Variants in KCNS3 observed in about 807,000 individuals in gnomAD.
KCNS3 encodes the protein delayed-rectifier potassium channel regulatory subunit KCNS3.
A neutral mutation model predicts 31.0 loss-of-function variants in KCNS3; 13 were observed. The ratio of observed to expected loss-of-function variants is 0.42; its 90% CI spans 0.27 to 0.67. KCNS3 has a LOEUF of 0.67. KCNS3 is among the 30% of genes least tolerant of loss of function. The pLI is 0.25. For synonymous variants in KCNS3, 238 were observed against 241.5 expected, an observed-to-expected ratio of 0.99 and a Z score of 0.13; for missense variants, 545 against 622.4, an observed-to-expected ratio of 0.88 and a Z score of 1.32.
At chr2:17,930,490 A>G (rs1288271642) in intron 2 of KCNS3, among the ~76,000 whole-genome samples, 1 of 152,178 alleles carries the variant, frequency 6.6e-6, no homozygotes, top group East Asian at 1.9e-4. Context: ...GGCATGACCA[A>G]GCCCTAGGGA....
chr2:17,911,339 G>A (rs1234347937), intron 1 of KCNS3, among the ~76,000 whole-genome samples: 1 of 152,216 alleles, frequency 6.6e-6, no homozygotes, highest in African/African-American at 2.4e-5. Flanking sequence ...TGAATGAATA[G>A]CATTAGCTCA....
chr2:17,889,606 A>G (rs1661790559), intron 1 of KCNS3, among the ~76,000 whole-genome samples: 1 of 152,154 alleles, frequency 6.6e-6, no homozygotes, highest in African/African-American at 2.4e-5. Context: ...TGTCCCTTGT[A>G]TGCCGATTTT....
intron 1 of KCNS3, among the ~76,000 whole-genome samples, chr2:17,895,814 C>T (rs761174840): frequency 6.6e-6 from 1 of 152,054 alleles, no homozygotes; most frequent in Non-Finnish European, 1.5e-5. Flanking sequence ...GGGAAAAGGA[C>T]ACTTCAATCA....
At position 17,931,403 on chromosome 2, in the gene KCNS3, A is replaced by T; in HGVS notation, c.395A>T (p.Asp132Val). 1 of 1,614,176 alleles carries T rather than the reference A, an allele frequency of 6.2e-7. No individual in the cohort carries two copies. The highest frequency in any genetic ancestry group is 8.5e-7 in the Non-Finnish European group (1 of 1,180,028). ...QERKEENHEK[D>V]WDQKSHDVST... Reference sequence around the variant, plus strand: ...CGCAAGGAGGAAAACCACGAGAAGGACTGGGACCAGAAAAGCCATGATGTG... The same window carrying T: ...CGCAAGGAGGAAAACCACGAGAAGGTCTGGGACCAGAAAAGCCATGATGTG... The change falls in exon 3 of 3, where the codon GAC becomes GTC. Residue 132 changes from aspartate (D) to valine (V), a missense_variant. Asp to Val is a radical substitution (Grantham distance 152). Transcript: ENST00000304101. The surrounding 1 kb of genome is among the most constrained non-coding windows in gnomAD (Gnocchi z 5.4).
chr2:17,929,969 C>T (rs1327623531), intron 2 of KCNS3, among the ~76,000 whole-genome samples: 1 of 152,168 alleles, frequency 6.6e-6, no homozygotes, highest in East Asian at 1.9e-4. Context: ...CAGTATATGA[C>T]AGTCTCCTTT....
intron 2 of KCNS3, among the ~76,000 whole-genome samples, chr2:17,926,400 C>T (rs748942444): frequency 5.9e-5 from 9 of 152,222 alleles, no homozygotes; most frequent in Non-Finnish European, 1.2e-4. Flanking sequence ...CCAATGGGGA[C>T]TCTGCGTGGG....
At chr2:17,891,012 G>A (rs952510279) in intron 1 of KCNS3, among the ~76,000 whole-genome samples, 3 of 152,140 alleles carry the variant, frequency 2.0e-5, no homozygotes, top group African/African-American at 7.2e-5. Context: ...GTCTAGTGTT[G>A]TCAGTAGAGT....
chr2:17,922,309 G>A (rs1599519), intron 2 of KCNS3, among the ~76,000 whole-genome samples: 104,094 of 151,566 alleles, frequency 0.69, 36,362 homozygotes, highest in East Asian at 0.98. Context: ...TGAGATTTGA[G>A]TTCTATTATT....
chr2:17,902,888 C>CT (rs35600538), intron 1 of KCNS3, among the ~76,000 whole-genome samples: 1 of 152,080 alleles, frequency 6.6e-6, no homozygotes, highest in Non-Finnish European at 1.5e-5. Context: ...TTTCCATGTA[C>CT]TTTTTGGTAT....
intron 2 of KCNS3, among the ~76,000 whole-genome samples, chr2:17,923,756 G>A (rs1662774143): frequency 6.6e-6 from 1 of 151,424 alleles, no homozygotes; most frequent in Non-Finnish European, 1.5e-5. Context: ...GAATTGTCTT[G>A]ACACACTTGT....
rs901110650 is a variant in KCNS3 at position 17,932,875 on chromosome 2, A to G, written c.*391A>G. 5.5e-6 allele frequency: 1 copy of G among 183,136 alleles called. No individual in the cohort carries two copies. Among genetic ancestry groups the G allele is most frequent in the Non-Finnish European group, 1.3e-5 (1 of 79,152 alleles). The allele number at this position is 183,136 out of a possible 1,614,324, so 11.3% of individuals were successfully genotyped here. A position where few individuals can be genotyped will look rare whatever the true frequency, so the allele number is the denominator to read the frequency against. On this transcript the variant is annotated 3_prime_UTR_variant, in exon 3 of 3. Transcript: ENST00000304101. ...GAGACGACATGCATGTAAGATCCAC[A>G]AAATGAGACAATGCATGTAAATCCA...
intron 2 of KCNS3, among the ~76,000 whole-genome samples, chr2:17,918,599 G>C (rs1662642977): frequency 6.6e-6 from 1 of 152,174 alleles, no homozygotes; most frequent in Non-Finnish European, 1.5e-5. Context: ...GACAAAAGTA[G>C]TAATAGCCTT....
intron 1 of KCNS3, among the ~76,000 whole-genome samples, chr2:17,896,538 T>G (rs2125237690): frequency 7.1e-6 from 1 of 140,896 alleles, no homozygotes; most frequent in African/African-American, 2.8e-5. Context: ...CTTAGACTCT[T>G]TTTTTTTTTT....
upstream of KCNS3, chr2:17,878,537 G>A (rs1178689587): frequency 6.6e-6 from 1 of 150,696 alleles, no homozygotes; most frequent in African/African-American, 2.4e-5. Context: ...CTGCGGGCCC[G>A]AAGCGAGGGG....
chr2:17,893,940 G>GTTTTTTTTTTTTTTTTTTTT (rs5829612), intron 1 of KCNS3, among the ~76,000 whole-genome samples: 4 of 98,904 alleles, frequency 4.0e-5, no homozygotes, highest in African/African-American at 1.8e-4. Flanking sequence ...CCAGGAGCCA[G>GTTTTTTTTTTTTTTTTTTTT]TTTTTTTTTT....
intron 2 of KCNS3, among the ~76,000 whole-genome samples, chr2:17,923,296 C>G (rs979102904): frequency 7.9e-5 from 12 of 151,976 alleles, no homozygotes; most frequent in African/African-American, 2.9e-4. Flanking sequence ...ATTATTTGCC[C>G]ATTTTAAAGG....
chr2:17,906,383 C>G (rs559927904), intron 1 of KCNS3, among the ~76,000 whole-genome samples: 10 of 152,168 alleles, frequency 6.6e-5, no homozygotes, highest in African/African-American at 2.4e-4. Flanking sequence ...AGCGGTCTAT[C>G]TATTTTGTTG....
chr2:17,926,430 T>A (rs1301374246), intron 2 of KCNS3, among the ~76,000 whole-genome samples: 1 of 152,230 alleles, frequency 6.6e-6, no homozygotes, highest in Admixed American at 6.5e-5. Flanking sequence ...CCACATTTCC[T>A]TTCTGCACTG....
At chr2:17,915,029 C>T (rs545060142) in intron 1 of KCNS3, among the ~76,000 whole-genome samples, 6 of 152,248 alleles carry the variant, frequency 3.9e-5, no homozygotes, top group Non-Finnish European at 8.8e-5. Context: ...ATGAAAGAGT[C>T]CAATATGCCA....
Sources: allele counts gnomAD v4.1 joint callset (sites outside exome capture counted in the v4.1 genomes callset), GRCh38; gene constraint gnomAD v4.1.1; non-coding constraint Gnocchi (gnomAD v3.1); transcripts MANE v1.5; gene names NCBI Gene and HGNC (gene_info 2026-07-23, HGNC 2026-07-21).